Variants in EDIL3 observed in about 807,000 individuals in gnomAD.
EDIL3 encodes the protein EGF-like repeat and discoidin I-like domain-containing protein 3.
A neutral mutation model predicts 67.4 loss-of-function variants in EDIL3; 37 were observed. The observed-to-expected ratio is 0.55, with a 90% CI of 0.42 to 0.72. The LOEUF (loss-of-function observed/expected upper bound fraction) is 0.72. Among genes scored for constraint, EDIL3 ranks in the 30% least tolerant of loss-of-function variants. The probability of loss-of-function intolerance (pLI) is 0.00; values close to 1 mark genes in which losing one functional copy is unlikely to be tolerated. For missense variants in EDIL3, 527 were observed against 586.3 expected (o/e 0.90, Z 1.04); for synonymous variants, 195 against 196.3 (o/e 0.99, Z 0.05).
At chr5:84,379,430 T>C (rs1580112888) in intron 1 of EDIL3, among the ~76,000 whole-genome samples, 3 of 152,272 alleles carry the variant, frequency 2.0e-5, no homozygotes, top group East Asian at 1.9e-4. Context: ...ACATACACTT[T>C]ACCATAATGA....
At chr5:83,975,297 T>C (rs1045881919) in intron 9 of EDIL3, among the ~76,000 whole-genome samples, 1 of 152,038 alleles carries the variant, frequency 6.6e-6, no homozygotes, top group African/African-American at 2.4e-5. Context: ...TAACCTTATA[T>C]TTTAAAAATC....
intron 1 of EDIL3, among the ~76,000 whole-genome samples, chr5:84,341,800 A>C (rs1747122520): frequency 6.6e-6 from 1 of 152,004 alleles, no homozygotes; most frequent in Non-Finnish European, 1.5e-5. Context: ...CATATCAAAA[A>C]CCCAACTATC....
intron 1 of EDIL3, among the ~76,000 whole-genome samples, chr5:84,357,568 A>T (rs1747513138): frequency 6.6e-6 from 1 of 152,020 alleles, no homozygotes; most frequent in Non-Finnish European, 1.5e-5. Context: ...CAGAACTTCC[A>T]TTAGGTTCTT....
At chr5:84,154,862 G>C (rs1028789915) in intron 4 of EDIL3, among the ~76,000 whole-genome samples, 1 of 151,756 alleles carries the variant, frequency 6.6e-6, no homozygotes, top group Admixed American at 6.6e-5. Context: ...ACCACGCCCA[G>C]CTAATTTTCG....
At chr5:84,206,219 G>A (rs1278092590) in intron 3 of EDIL3, among the ~76,000 whole-genome samples, 1 of 152,060 alleles carries the variant, frequency 6.6e-6, no homozygotes, top group African/African-American at 2.4e-5. Context: ...GTAGTTGAGT[G>A]GTTTTGAGTG....
intron 5 of EDIL3, among the ~76,000 whole-genome samples, chr5:84,108,590 A>G (rs1747504473): frequency 6.6e-6 from 1 of 152,220 alleles, no homozygotes; most frequent in Admixed American, 6.5e-5. Flanking sequence ...AAGTTCAGAT[A>G]TTAATTCTTT....
In EDIL3 at chr5:84,333,619, T is replaced by G. The variant is rs547459323; in HGVS notation, c.67+50689A>C. On this transcript the variant is annotated intron_variant, in intron 1 of 10. Transcript: ENST00000296591. The stretch of plus-strand genomic sequence containing the variant: ...AAGTTTGTTTTTCATTTTTTAAATT[T>G]TGGAAGCATACACTTTTCATTAATT... Among the ~76,000 whole-genome samples the G allele has an allele frequency of 2.0e-5, 3 of 152,268 alleles. No individual in the cohort carries two copies. The South Asian group carries it at 6.2e-4, about 32-fold the overall frequency.
chr5:84,132,362 T>C (rs1254968269), intron 5 of EDIL3, among the ~76,000 whole-genome samples: 1 of 26,676 alleles, frequency 3.7e-5, no homozygotes, highest in Non-Finnish European at 7.4e-5. Flanking sequence ...ACATAATATA[T>C]ATTATATATA....
At chr5:84,028,235 T>C (rs1170329946) in intron 9 of EDIL3, among the ~76,000 whole-genome samples, 1 of 152,180 alleles carries the variant, frequency 6.6e-6, no homozygotes, top group East Asian at 1.9e-4. Flanking sequence ...CGTCTGCCTT[T>C]ATAGTATTTT....
intron 3 of EDIL3, among the ~76,000 whole-genome samples, chr5:84,186,800 G>A (rs761417298): frequency 2.0e-5 from 3 of 151,948 alleles, no homozygotes; most frequent in Non-Finnish European, 2.9e-5. Context: ...ATCAAAGTTT[G>A]AGAACAAATG....
At chr5:84,182,485 A>C (rs1158378986) in intron 3 of EDIL3, among the ~76,000 whole-genome samples, 4 of 151,806 alleles carry the variant, frequency 2.6e-5, no homozygotes, top group Non-Finnish European at 2.9e-5. Flanking sequence ...AAAACAAACA[A>C]ACAAACTTGT....
chr5:84,064,270 T>C (rs564044911), intron 8 of EDIL3, among the ~76,000 whole-genome samples: 71 of 152,324 alleles, frequency 4.7e-4, no homozygotes, highest in Admixed American at 1.1e-3. Flanking sequence ...AAAGTTCTTA[T>C]GATAGATGGA....
At chr5:83,957,237 T>C (rs1214266244) in intron 10 of EDIL3, among the ~76,000 whole-genome samples, 3 of 151,698 alleles carry the variant, frequency 2.0e-5, no homozygotes, top group African/African-American at 7.3e-5. Flanking sequence ...AACATGCAGC[T>C]GCTCCCTCTT....
chr5:84,234,435 C>T (rs1046360986), intron 2 of EDIL3, among the ~76,000 whole-genome samples: 5 of 152,186 alleles, frequency 3.3e-5, no homozygotes, highest in African/African-American at 1.2e-4. Context: ...TGAAGTACAA[C>T]TACCCAGGCC....
At chr5:84,074,649 ATACCATCTCACACCAGT>A (rs1746815970) in intron 6 of EDIL3, among the ~76,000 whole-genome samples, 1 of 151,890 alleles carries the variant, frequency 6.6e-6, no homozygotes, top group African/African-American at 2.4e-5. Flanking sequence ...CCACAATGAG[ATACCATCTCACACCAGT>A]TAGAATGGCA....
At chr5:83,964,173 T>C (rs1744652565) in intron 9 of EDIL3, among the ~76,000 whole-genome samples, 1 of 151,970 alleles carries the variant, frequency 6.6e-6, no homozygotes, top group South Asian at 2.1e-4. Context: ...GAATACGTAA[T>C]ATAGAATAGT....
chr5:84,113,006 A>G (rs1747590864), intron 5 of EDIL3, among the ~76,000 whole-genome samples: 1 of 152,104 alleles, frequency 6.6e-6, no homozygotes, highest in Non-Finnish European at 1.5e-5. Flanking sequence ...AATTTTTTTT[A>G]TGATGAGTAA....
chr5:83,941,793 C>A lies in EDIL3; in HGVS notation c.*1626G>T, dbSNP rs1744228473. The A allele has an allele frequency of 1.3e-5, 2 of 151,890 alleles. No homozygotes were observed. Among genetic ancestry groups the A allele is most frequent in the South Asian group, 2.1e-4 (1 of 4,828 alleles). 9.4% of individuals were successfully genotyped at this position (151,890 alleles called of 1,614,324 possible). ...GAACAAATATGTGGCCAGCCAGTCC[C>A]CTTAGACGAACTAATTTTGTTCTTA... On this transcript the variant is annotated 3_prime_UTR_variant, in exon 11 of 11. Transcript: ENST00000296591.
chr5:84,019,995 A>G (rs1202758545), intron 9 of EDIL3, among the ~76,000 whole-genome samples: 1 of 150,570 alleles, frequency 6.6e-6, no homozygotes, highest in Non-Finnish European at 1.5e-5. Flanking sequence ...CAAATCAGTT[A>G]GCGGAACGTT....
Sources: gnomAD v4.1 joint callset for allele counts (sites outside exome capture counted in the v4.1 genomes callset) on GRCh38, gnomAD v4.1.1 for gene constraint, MANE v1.5 for transcripts, NCBI Gene and HGNC (gene_info 2026-07-23, HGNC 2026-07-21) for gene names.